ABCB11: variants seen among roughly 807,000 people sequenced by gnomAD.
ABCB11 encodes bile salt export pump.
ABCB11 carries 95 observed loss-of-function variants against 148.0 expected under a neutral mutation model. The observed-to-expected ratio is 0.64, with a 90% CI of 0.54 to 0.76. ABCB11 has a LOEUF of 0.76. Among genes scored for constraint, ABCB11 ranks in the 30% least tolerant of loss-of-function variants. The pLI is 0.00. For missense variants in ABCB11, 1,523 were observed against 1,617.8 expected, an observed-to-expected ratio of 0.94 and a Z score of 1.01; for synonymous variants, 591 against 555.4, an observed-to-expected ratio of 1.06 and a Z score of -0.90.
chr2:169,006,189 T>TCA (rs1695013044), intron 5 of ABCB11, among the ~76,000 whole-genome samples: 1 of 152,196 alleles, frequency 6.6e-6, no homozygotes. Context: ...GTAAAATGAT[T>TCA]ACTCATTATT....
intron 4 of ABCB11, among the ~76,000 whole-genome samples, chr2:169,013,779 G>A (rs968231621): frequency 2.0e-5 from 3 of 152,120 alleles, no homozygotes; most frequent in African/African-American, 7.2e-5. Context: ...TTCAGGAGCT[G>A]ACTTTCGTTT....
intron 26 of ABCB11, 101 bp downstream of exon 26, chr2:168,927,053 ATT>A (rs1691344908): frequency 2.6e-6 from 3 of 1,169,518 alleles, no homozygotes; most frequent in African/African-American, 3.1e-5. Flanking sequence ...AACATTTTGG[ATT>A]TGGGATTTTC....
chr2:168,984,259 T>C (rs888608555), intron 10 of ABCB11, among the ~76,000 whole-genome samples: 2 of 152,156 alleles, frequency 1.3e-5, no homozygotes, highest in African/African-American at 4.8e-5. Context: ...TGTCTCTATT[T>C]GTCTGTATTC....
At chr2:168,993,951 A>G (rs987571860) in intron 7 of ABCB11, 69 bp from the exon 8 acceptor site, 15 of 1,314,926 alleles carry the variant, frequency 1.1e-5, no homozygotes, top group Non-Finnish European at 1.6e-5. Flanking sequence ...TGAAAGTCTC[A>G]GTCTTTCCCT....
At chr2:168,969,955 A>AACCACC in intron 15 of ABCB11, 90 bp downstream of exon 15, 1 of 545,920 alleles carries the variant, frequency 1.8e-6, no homozygotes, top group Non-Finnish European at 3.6e-6. Context: ...AACTACTCCC[A>AACCACC]TCCCTCCCAC....
At chr2:168,970,600 G>A in intron 14 of ABCB11, 1 of 322,786 alleles carries the variant, frequency 3.1e-6, no homozygotes, top group South Asian at 2.6e-5. Flanking sequence ...ATAATGCAAA[G>A]GCTGTTTTTA....
chr2:169,007,146 A>G (rs1695042853), intron 5 of ABCB11, among the ~76,000 whole-genome samples: 1 of 152,206 alleles, frequency 6.6e-6, no homozygotes. Context: ...TACTGGCATA[A>G]AGATAGATGT....
At chr2:168,945,230 T>A (rs900157420) in intron 19 of ABCB11, among the ~76,000 whole-genome samples, 1 of 151,754 alleles carries the variant, frequency 6.6e-6, no homozygotes, top group African/African-American at 2.4e-5. Context: ...AGGGGGTATA[T>A]GGGAAATCTC....
chr2:169,001,139 A>G (rs1694859125), intron 5 of ABCB11, among the ~76,000 whole-genome samples: 1 of 152,172 alleles, frequency 6.6e-6, no homozygotes, highest in Non-Finnish European at 1.5e-5. Context: ...TAAGTGTCTT[A>G]TCTATTTCCA....
At chr2:169,000,551 GT>G (rs1437883025) in intron 5 of ABCB11, among the ~76,000 whole-genome samples, 1 of 151,978 alleles carries the variant, frequency 6.6e-6, no homozygotes, top group Admixed American at 6.6e-5. Context: ...CCACTGAATT[GT>G]TTTTCCACTT....
intron 5 of ABCB11, among the ~76,000 whole-genome samples, chr2:169,008,549 T>C (rs1695087784): frequency 6.6e-6 from 1 of 152,164 alleles, no homozygotes; most frequent in Non-Finnish European, 1.5e-5. Flanking sequence ...CCTTTTCCCA[T>C]ACAAGGTAAC....
In ABCB11 at chr2:169,030,040, A is replaced by G. The variant is rs936517106; in HGVS notation, c.-28+1185T>C. 6.6e-5 allele frequency among the ~76,000 whole-genome samples: 10 copies of G among 152,100 alleles called. 1 individual carries two copies. The highest frequency in any genetic ancestry group is 2.4e-4 in the African/African-American group (10 of 41,412). On this transcript the variant is annotated intron_variant, in intron 1 of 27. Coordinates refer to ENST00000650372, the MANE Select transcript of ABCB11 (RefSeq NM_003742.4). ...CAGGCGTGAGCCACCGCGCCCGGCC[A>G]GTTCTTTCCTCTTGACCAAGCAAAA...
intron 21 of ABCB11, among the ~76,000 whole-genome samples, chr2:168,942,510 A>G (rs918297061): frequency 1.4e-5 from 2 of 143,120 alleles, no homozygotes; most frequent in African/African-American, 5.8e-5. Context: ...AAGGGTGCAA[A>G]AAAAAAAATA....
At chr2:169,009,558 T>G (rs1391444263) in intron 5 of ABCB11, among the ~76,000 whole-genome samples, 2 of 112,566 alleles carry the variant, frequency 1.8e-5, no homozygotes, top group Non-Finnish European at 3.3e-5. Flanking sequence ...AAGGGGAACA[T>G]CACACACTGG....
intron 1 of ABCB11, among the ~76,000 whole-genome samples, chr2:169,026,728 C>T (rs1695708098): frequency 6.6e-6 from 1 of 151,982 alleles, no homozygotes; most frequent in Non-Finnish European, 1.5e-5. Flanking sequence ...GTTGGGAAAC[C>T]CATACATCAG....
chr2:168,969,658 G>T (rs1393732106), intron 15 of ABCB11, 107 bp from the exon 16 acceptor site: 9 of 1,032,014 alleles, frequency 8.7e-6, no homozygotes, highest in South Asian at 3.3e-5. Context: ...TGGTCCCTGG[G>T]AATATTCTTA....
At chr2:169,026,961 C>A (rs1695716724) in intron 1 of ABCB11, among the ~76,000 whole-genome samples, 1 of 152,154 alleles carries the variant, frequency 6.6e-6, no homozygotes, top group Non-Finnish European at 1.5e-5. Flanking sequence ...CGGCCATTAG[C>A]TGTAACACTT....
chr2:169,016,797 T>A lies in ABCB11; in HGVS notation c.79A>T (p.Asn27Tyr). The change falls in exon 3 of 28, where the codon AAT becomes TAT. Residue 27 changes from asparagine to tyrosine, a missense_variant and splice_region_variant. Transcript: ENST00000650372. Reference protein sequence around the residue: ...NDGFESDKSYNNDKKSRLQDE... With the variant: ...NDGFESDKSYYNDKKSRLQDE... ...ACTTACCTTGATTTCTTATCATTAT[T>A]ATCTGTCAGAAAAAAAAATCAACGC... 6.3e-7 allele frequency: 1 copy of A among 1,592,862 alleles called. No homozygotes were observed. The highest frequency in any genetic ancestry group is 8.6e-7 in the Non-Finnish European group (1 of 1,168,684).
At chr2:168,947,074 C>T (rs1032239165) in intron 19 of ABCB11, among the ~76,000 whole-genome samples, 2 of 151,740 alleles carry the variant, frequency 1.3e-5, no homozygotes, top group African/African-American at 4.8e-5. Flanking sequence ...GTAGTTTTGG[C>T]ACACATCTTT....
Sources: allele counts gnomAD v4.1 joint callset (sites outside exome capture counted in the v4.1 genomes callset), GRCh38; gene constraint gnomAD v4.1.1; transcripts MANE v1.5; gene names NCBI Gene and HGNC (gene_info 2026-07-23, HGNC 2026-07-21).